The following TTC28 variants were observed in gnomAD, a reference collection of about 807,000 sequenced individuals.
The protein encoded by TTC28 is tetratricopeptide repeat protein 28.
In TTC28, 61 loss-of-function variants were observed where a neutral mutation model predicts 198.0. The observed-to-expected ratio is 0.31, with a 90% confidence interval of 0.25 to 0.38. The LOEUF is 0.38. TTC28 is among the 10% of genes least tolerant of loss of function. The pLI is 1.00. For missense variants in TTC28, 2,678 were observed against 3,164.0 expected, an observed-to-expected ratio of 0.85 and a Z score of 3.69; for synonymous variants, 1,171 against 1,297.8, an observed-to-expected ratio of 0.90 and a Z score of 2.10.
intron 3 of TTC28, among the ~76,000 whole-genome samples, chr22:28,305,176 A>G (rs1016109877): frequency 6.6e-6 from 1 of 151,982 alleles, no homozygotes; most frequent in African/African-American, 2.4e-5. Flanking sequence ...TATTTTTAGT[A>G]GAGCCAGGGT....
intron 2 of TTC28, among the ~76,000 whole-genome samples, chr22:28,479,500 C>G (rs1206985476): frequency 6.6e-6 from 1 of 152,138 alleles, no homozygotes; most frequent in Non-Finnish European, 1.5e-5. Flanking sequence ...AAATCTGAAC[C>G]TTAATATGAT....
intron 6 of TTC28, among the ~76,000 whole-genome samples, chr22:28,131,272 T>C (rs980694187): frequency 1.3e-5 from 2 of 152,190 alleles, no homozygotes; most frequent in Non-Finnish European, 2.9e-5. Flanking sequence ...TGAAGATCAG[T>C]CCCCTATTTA....
chr22:28,490,418 G>A (rs1474428362), intron 2 of TTC28, among the ~76,000 whole-genome samples: 3 of 152,150 alleles, frequency 2.0e-5, no homozygotes, highest in Non-Finnish European at 4.4e-5. Context: ...CAAGGCAATG[G>A]AATAGAACAT....
chr22:28,663,097 A>G (rs2051775159), intron 1 of TTC28, among the ~76,000 whole-genome samples: 1 of 151,820 alleles, frequency 6.6e-6, no homozygotes, highest in South Asian at 2.1e-4. Context: ...AAATACAATA[A>G]ATTAGCCAGG....
At chr22:28,082,874 C>T (rs989831076) in intron 12 of TTC28, among the ~76,000 whole-genome samples, 4 of 152,130 alleles carry the variant, frequency 2.6e-5, no homozygotes, top group African/African-American at 9.7e-5. Flanking sequence ...CATCTGGTCC[C>T]AAACTTTTCT....
At chr22:28,058,692 G>A (rs6005707) in intron 12 of TTC28, among the ~76,000 whole-genome samples, 94 of 151,868 alleles carry the variant, frequency 6.2e-4, no homozygotes, top group African/African-American at 2.1e-3. Context: ...AAAATTGTAG[G>A]GTTTTTTCTT....
chr22:28,551,629 C>T (rs139705698), intron 2 of TTC28, among the ~76,000 whole-genome samples: 10 of 152,270 alleles, frequency 6.6e-5, no homozygotes, highest in Admixed American at 3.9e-4. Context: ...GCAAAAATCA[C>T]ATGATCATCT....
chr22:28,075,136 A>T (rs1941127391), intron 12 of TTC28, among the ~76,000 whole-genome samples: 1 of 152,152 alleles, frequency 6.6e-6, no homozygotes, highest in South Asian at 2.1e-4. Context: ...AGGTCATGAG[A>T]AACATAAAAG....
chr22:28,293,932 T>C (rs1023346626), intron 5 of TTC28, among the ~76,000 whole-genome samples: 5 of 152,104 alleles, frequency 3.3e-5, no homozygotes, highest in African/African-American at 1.2e-4. Flanking sequence ...ACAACCCAAA[T>C]GGGCCACTGT....
chr22:27,999,018 G>A lies in TTC28; in HGVS notation c.4641C>T (p.Thr1547=). Residue 1547 remains threonine (T), a synonymous_variant, in exon 16 of 23, where the codon ACC becomes ACT. Coordinates refer to ENST00000397906, the MANE Select transcript of TTC28 (RefSeq NM_001145418.2). ...LTQAECVHFA[T]HISWKLSALV... Reference sequence around the variant, plus strand: ...AGGCCGACAGCTTCCAGGAGATGTGGGTGGCAAAGTGGACGCATTCAGCCT... The same window carrying A: ...AGGCCGACAGCTTCCAGGAGATGTGAGTGGCAAAGTGGACGCATTCAGCCT... The A allele has an allele frequency of 1.3e-6, 2 of 1,550,442 alleles. No individual in the cohort carries two copies. Among genetic ancestry groups the A allele is most frequent in the Non-Finnish European group, 8.7e-7 (1 of 1,146,986 alleles).
chr22:28,164,450 C>T (rs1452714625), intron 5 of TTC28, among the ~76,000 whole-genome samples: 2 of 152,172 alleles, frequency 1.3e-5, no homozygotes, highest in Non-Finnish European at 2.9e-5. Flanking sequence ...ACAAAACTTC[C>T]AGAGGAACGA....
intron 6 of TTC28, among the ~76,000 whole-genome samples, chr22:28,119,339 A>T (rs1942723056): frequency 6.6e-6 from 1 of 152,218 alleles, no homozygotes; most frequent in Non-Finnish European, 1.5e-5. Context: ...ATAACAAAAT[A>T]AAAAACTGCC....
chr22:28,023,272 A>G (rs1209993679), intron 13 of TTC28, among the ~76,000 whole-genome samples: 2 of 152,202 alleles, frequency 1.3e-5, no homozygotes, highest in African/African-American at 4.8e-5. Flanking sequence ...CACTCTGGGC[A>G]TTGTGCTGTG....
chr22:28,212,479 T>G (rs949889719), intron 5 of TTC28, among the ~76,000 whole-genome samples: 18 of 134,602 alleles, frequency 1.3e-4, no homozygotes, highest in Non-Finnish European at 2.5e-4. Context: ...CAAACTACCA[T>G]CAGAGAATAC....
At chr22:28,437,552 G>A (rs2047539585) in intron 2 of TTC28, among the ~76,000 whole-genome samples, 2 of 152,094 alleles carry the variant, frequency 1.3e-5, no homozygotes, top group South Asian at 2.1e-4. Context: ...TTAAGAAGGT[G>A]AGTAATATGA....
At chr22:28,593,116 T>C (rs753258060) in intron 2 of TTC28, among the ~76,000 whole-genome samples, 4 of 149,122 alleles carry the variant, frequency 2.7e-5, no homozygotes, top group Non-Finnish European at 4.4e-5. Context: ...ATCACCTAAA[T>C]ATAGCCCTAA....
In TTC28 at chr22:27,982,464, G is replaced by A. The variant is rs1937055850; in HGVS notation, c.7203C>T (p.His2401=). ...TATCCACTCCCTCCTCCTTCTTATTGTGCCGTGGTGACAAATTCAACAGAC... is the reference window on the plus strand; with the variant it reads ...TATCCACTCCCTCCTCCTTCTTATTATGCCGTGGTGACAAATTCAACAGAC... ...VLSLLNLSPR[H]NKKEEGVDKL... The change falls in exon 23 of 23, where the codon CAC becomes CAT. Residue 2401 remains histidine (H), a synonymous_variant. Transcript: ENST00000397906. This position sits in a 1 kb window ranked among gnomAD's most constrained non-coding sequence, Gnocchi z 5.2. The A allele has an allele frequency of 6.4e-7, 1 of 1,551,424 alleles. No homozygotes were observed. The highest frequency in any genetic ancestry group is 2.0e-5 in the Admixed American group (1 of 50,968).
At chr22:28,092,078 C>T (rs1941832070) in intron 12 of TTC28, among the ~76,000 whole-genome samples, 1 of 152,122 alleles carries the variant, frequency 6.6e-6, no homozygotes. Flanking sequence ...TTGTTCAGGT[C>T]CCATGCTTCT....
intron 2 of TTC28, among the ~76,000 whole-genome samples, chr22:28,480,531 A>C (rs1024384243): frequency 4.6e-5 from 7 of 152,184 alleles, no homozygotes; most frequent in African/African-American, 1.7e-4. Context: ...GCAGTCTGGC[A>C]CATTTCTCTA....
Sources: gnomAD v4.1 joint callset for allele counts (sites outside exome capture counted in the v4.1 genomes callset) on GRCh38, gnomAD v4.1.1 for gene constraint, Gnocchi (gnomAD v3.1) non-coding constraint, MANE v1.5 for transcripts, NCBI Gene and HGNC (gene_info 2026-07-23, HGNC 2026-07-21) for gene names.